The following WARS2 variants were observed in gnomAD, a reference collection of about 807,000 sequenced individuals.
WARS2 encodes the protein tryptophanyl tRNA synthetase 2, mitochondrial.
A neutral mutation model predicts 36.5 loss-of-function variants in WARS2; 28 were observed. That is an observed-to-expected ratio of 0.77 (90% confidence interval 0.57 to 1.05). The LOEUF is 1.05. WARS2 is among the 50% of genes least tolerant of loss of function. WARS2 has a pLI of 0.00. For synonymous variants in WARS2, 174 were observed against 178.4 expected (o/e 0.98, Z 0.20); for missense variants, 435 against 456.8 (o/e 0.95, Z 0.44).
intron 1 of WARS2, chr1:119,085,925 G>A (rs1652621908): frequency 6.2e-7 from 1 of 1,610,370 alleles, no homozygotes; most frequent in East Asian, 2.2e-5. Context: ...TCAGCTCATT[G>A]ATCAGCTTCA....
intron 2 of WARS2, among the ~76,000 whole-genome samples, chr1:119,049,103 T>C (rs1025814596): frequency 4.6e-5 from 7 of 151,834 alleles, no homozygotes; most frequent in African/African-American, 9.7e-5. Flanking sequence ...TAAAATAAAA[T>C]AAAATACTGA....
Position 119,034,232 on chromosome 1 carries a change from A to AGGTGGATTGAGCCAAGATGGCC in WARS2, c.516-20_516-19insGGCCATCTTGGCTCAATCCACC. On this transcript the variant is annotated intron_variant, in intron 4 of 5. Transcript: ENST00000235521. ...TGTGGACCTTTAATAAAAGACAGAC[A>AGGTGGATTGAGCCAAGATGGCC]GAAAAACAACAGCAAGGCTCTTTCT... is the stretch of plus-strand genomic sequence containing the variant. 1.3e-6 allele frequency: 2 copies of AGGTGGATTGAGCCAAGATGGCC among 1,598,636 alleles called. No homozygotes were observed. The highest frequency in any genetic ancestry group is 1.7e-6 in the Non-Finnish European group (2 of 1,166,854).
chr1:119,096,488 T>C (rs1653451748), intron 1 of WARS2, among the ~76,000 whole-genome samples: 1 of 152,180 alleles, frequency 6.6e-6, no homozygotes, highest in African/African-American at 2.4e-5. Flanking sequence ...TTTAGATGGG[T>C]ATATTCTACT....
At chr1:119,093,919 C>G (rs1301983633) in intron 1 of WARS2, among the ~76,000 whole-genome samples, 1 of 152,118 alleles carries the variant, frequency 6.6e-6, no homozygotes, top group Non-Finnish European at 1.5e-5. Flanking sequence ...CTGTGCAAGA[C>G]CTGGGGCAAT....
chr1:119,121,445 A>T lies in WARS2; in HGVS notation c.90+19110T>A, dbSNP rs587758283. 8.2e-4 allele frequency among the ~76,000 whole-genome samples: 125 copies of T among 152,296 alleles called. 1 individual carries two copies. Among genetic ancestry groups the T allele is most frequent in the Admixed American group, 1.6e-3 (24 of 15,294 alleles). On this transcript the variant is annotated intron_variant, in intron 1 of 5. Transcript: ENST00000235521. ...ATGTTCATGAATGGGTAGAATCAAT[A>T]TTGTAAAAATGACCATACTGCCAAA... is the stretch of plus-strand genomic sequence containing the variant.
At chr1:119,100,157 A>G (rs1400911867) in intron 1 of WARS2, among the ~76,000 whole-genome samples, 1 of 152,200 alleles carries the variant, frequency 6.6e-6, no homozygotes, top group Non-Finnish European at 1.5e-5. Flanking sequence ...ATCAATAGAT[A>G]TTCATCAAAA....
At chr1:119,133,817 ATATT>A (rs1656272970) in intron 1 of WARS2, among the ~76,000 whole-genome samples, 1 of 152,180 alleles carries the variant, frequency 6.6e-6, no homozygotes, top group South Asian at 2.1e-4. Context: ...TATTTACTTT[ATATT>A]CATCATCTTG....
intron 2 of WARS2, among the ~76,000 whole-genome samples, chr1:119,072,918 G>A (rs1397039453): frequency 6.6e-6 from 1 of 151,992 alleles, no homozygotes; most frequent in Non-Finnish European, 1.5e-5. Flanking sequence ...ACTTTGGAAG[G>A]CCAAGTTGGG....
chr1:119,046,565 C>T (rs1247623979), intron 2 of WARS2, among the ~76,000 whole-genome samples: 4 of 150,692 alleles, frequency 2.7e-5, no homozygotes, highest in Admixed American at 2.0e-4. Context: ...ACCATCTTGA[C>T]CAGACTTGTC....
chr1:119,113,952 T>C (rs1024807030), intron 1 of WARS2, among the ~76,000 whole-genome samples: 6 of 152,152 alleles, frequency 3.9e-5, no homozygotes, highest in Non-Finnish European at 8.8e-5. Context: ...AACTTGTCTA[T>C]TCTAAGTTAT....
intron 1 of WARS2, among the ~76,000 whole-genome samples, chr1:119,077,734 C>T (rs10047100): frequency 0.83 from 126,229 of 151,974 alleles, 53,160 homozygotes; most frequent in African/African-American, 0.96. Context: ...ATACTGAAGT[C>T]ATAATAGGAA....
intron 4 of WARS2, among the ~76,000 whole-genome samples, chr1:119,039,665 G>A (rs1648183429): frequency 6.6e-6 from 1 of 151,986 alleles, no homozygotes. Flanking sequence ...CCATTCCAGG[G>A]TTCCTTACCA....
intron 1 of WARS2, among the ~76,000 whole-genome samples, chr1:119,082,102 A>T (rs910406783): frequency 5.3e-5 from 8 of 152,222 alleles, no homozygotes; most frequent in African/African-American, 1.9e-4. Context: ...ATGGAGGCCA[A>T]CAATTAAAAC....
At chr1:119,133,104 T>C (rs1336432839) in intron 1 of WARS2, among the ~76,000 whole-genome samples, 2 of 152,204 alleles carry the variant, frequency 1.3e-5, no homozygotes, top group African/African-American at 4.8e-5. Context: ...CTTTTAGCTA[T>C]AGACTGTGTA....
At chr1:119,123,466 C>A (rs1040218042) in intron 1 of WARS2, among the ~76,000 whole-genome samples, 3 of 152,154 alleles carry the variant, frequency 2.0e-5, no homozygotes, top group Non-Finnish European at 4.4e-5. Context: ...AATCTGCCTG[C>A]AAGTAGAGAC....
intron 4 of WARS2, among the ~76,000 whole-genome samples, chr1:119,035,130 T>A (rs2101100069): frequency 6.6e-6 from 1 of 152,324 alleles, no homozygotes; most frequent in East Asian, 1.9e-4. Flanking sequence ...GTTTGCAGTG[T>A]CAGATCATGA....
chr1:119,055,092 T>C (rs1191573581), intron 2 of WARS2, among the ~76,000 whole-genome samples: 1 of 152,208 alleles, frequency 6.6e-6, no homozygotes, highest in East Asian at 1.9e-4. Flanking sequence ...AAAATATAGA[T>C]GAAACGTATT....
At chr1:119,110,076 T>C (rs1050233545) in intron 1 of WARS2, among the ~76,000 whole-genome samples, 1 of 152,016 alleles carries the variant, frequency 6.6e-6, no homozygotes, top group South Asian at 2.1e-4. Flanking sequence ...ATTTCCCTTA[T>C]ATATAAGCAT....
chr1:119,102,240 TTG>T (rs1220248361), intron 1 of WARS2, among the ~76,000 whole-genome samples: 1 of 152,198 alleles, frequency 6.6e-6, no homozygotes, highest in Non-Finnish European at 1.5e-5. Flanking sequence ...TATAGTCCAG[TTG>T]TGATTGTGCC....
Sources: allele counts gnomAD v4.1 joint callset (sites outside exome capture counted in the v4.1 genomes callset), GRCh38; gene constraint gnomAD v4.1.1; transcripts MANE v1.5; gene names NCBI Gene and HGNC (gene_info 2026-07-23, HGNC 2026-07-21).